The following ZNFX1 variants were observed in gnomAD, a reference collection of about 807,000 sequenced individuals.
ZNFX1 encodes the protein zinc finger NFX1-type containing 1.
In ZNFX1, 78 loss-of-function variants were observed where a neutral mutation model predicts 179.8. The observed-to-expected ratio is 0.43, with a 90% CI of 0.36 to 0.52. The LOEUF is 0.52. Ranked by LOEUF, ZNFX1 falls within the 20% of genes least tolerant of loss-of-function variation. The pLI, the probability that ZNFX1 is intolerant of heterozygous loss-of-function variation, is 0.00. For missense variants in ZNFX1, 1,927 were observed against 2,386.6 expected (o/e 0.81, Z 4.01); for synonymous variants, 848 against 868.5 (o/e 0.98, Z 0.42).
At position 49,251,511 on chromosome 20, in the gene ZNFX1, G is replaced by C; in HGVS notation, c.3312+16C>G. ...TGCTGACACCATCCAAGAAAGATCG[G>C]GTAAGACAGACTCACCTTAATCTTC... is the stretch of plus-strand genomic sequence containing the variant. On this transcript the variant is annotated intron_variant, in intron 13 of 13. Transcript: ENST00000396105. 1.9e-6 allele frequency: 3 copies of C among 1,604,446 alleles called. No individual in the cohort carries two copies. The highest frequency in any genetic ancestry group is 1.7e-6 in the Non-Finnish European group (2 of 1,173,734).
intron 3 of ZNFX1, among the ~76,000 whole-genome samples, chr20:49,266,668 A>ACCCCCCCCC (rs76320074): frequency 1.6e-4 from 10 of 61,016 alleles, no homozygotes; most frequent in South Asian, 7.0e-4. Flanking sequence ...CATCCCCCCC[A>ACCCCCCCCC]CCCCCCCCTT....
chr20:49,276,172 A>C (rs963404206), intron 1 of ZNFX1, among the ~76,000 whole-genome samples: 2 of 152,204 alleles, frequency 1.3e-5, no homozygotes, highest in Admixed American at 1.3e-4. Flanking sequence ...TCCCATTCAA[A>C]ACTGCTGTTT....
rs34540659 is a variant in ZNFX1 at position 49,248,494 on chromosome 20, G to A, written c.4530C>T (p.Cys1510=). 3.7e-4 allele frequency: 591 copies of A among 1,613,424 alleles called. 1 individual carries two copies. Among genetic ancestry groups the A allele is most frequent in the South Asian group, 5.9e-4 (54 of 91,068 alleles). Residue 1510 remains cysteine, a synonymous_variant, in exon 14 of 14, where the codon TGC becomes TGT. Transcript: ENST00000396105. This position sits in a 1 kb window ranked among gnomAD's most constrained non-coding sequence, Gnocchi z 4.6. The part of the protein sequence containing the change: ...KKKCGELCSP[C]VEPCVWRCQH... ...GGCAGCGCCAGACACAGGGTTCCAC[G>A]CAGGGACTACACAGCTCCCCACATT...
intron 11 of ZNFX1, 105 bp from the exon 12 acceptor site, chr20:49,252,935 A>C: frequency 1.2e-6 from 1 of 842,360 alleles, no homozygotes; most frequent in Non-Finnish European, 2.0e-6. Context: ...AGTGTTGACT[A>C]TGTGCCAGGC....
At chr20:49,261,243 C>A (rs1222590382) in intron 6 of ZNFX1, among the ~76,000 whole-genome samples, 1 of 152,060 alleles carries the variant, frequency 6.6e-6, no homozygotes, top group East Asian at 1.9e-4. Flanking sequence ...AAAAAAGAAT[C>A]AAAAGTAATT....
chr20:49,262,605 C>T (rs536431864), intron 6 of ZNFX1, among the ~76,000 whole-genome samples: 5 of 152,228 alleles, frequency 3.3e-5, no homozygotes, highest in Middle Eastern at 3.4e-3. Context: ...GATTGCTTCA[C>T]TTATTTGTAA....
At position 49,270,286 on chromosome 20, in the gene ZNFX1, G is replaced by A. The variant is rs1333319075; in HGVS notation, c.1526C>T (p.Thr509Ile). The change falls in exon 3 of 14, where the codon ACT (threonine) becomes ATT (isoleucine). Residue 509 changes from threonine to isoleucine, a missense_variant. Transcript: ENST00000396105. The surrounding 1 kb of genome is among the most constrained non-coding windows in gnomAD (Gnocchi z 4.6). ...PSDSFLMVET[T>I]AYFEAYRHVL... is the part of the protein sequence containing the mutation. ...GTGCCTGTAGGCCTCAAAGTATGCA[G>A]TTGTCTCTACCATGAGGAAAGAGTC... 6.2e-7 allele frequency: 1 copy of A among 1,614,100 alleles called. No homozygotes were observed. The highest frequency in any genetic ancestry group is 1.7e-5 in the Admixed American group (1 of 60,030).
intron 3 of ZNFX1, among the ~76,000 whole-genome samples, chr20:49,268,428 G>A (rs139894357): frequency 0.022 from 3,306 of 152,180 alleles, 46 homozygotes; most frequent in Non-Finnish European, 0.033. Context: ...AAATCCCTAT[G>A]AGCAGCTACT....
intron 7 of ZNFX1, 82 bp from the exon 8 acceptor site, chr20:49,257,746 G>A: frequency 6.8e-7 from 1 of 1,478,916 alleles, no homozygotes; most frequent in Non-Finnish European, 8.9e-7. Context: ...CTTTTGCCCA[G>A]GGTGGAGTGC....
chr20:49,269,694 G>A (rs1297315979), intron 3 of ZNFX1, among the ~76,000 whole-genome samples: 5 of 152,014 alleles, frequency 3.3e-5, no homozygotes, highest in South Asian at 4.2e-4. Flanking sequence ...AAACAATGAC[G>A]ACAACAAAAA....
At position 49,248,116 on chromosome 20, in the gene ZNFX1, T is replaced by C. The variant is rs1342305532; in HGVS notation, c.4908A>G (p.Ile1636Met). ...IRKNLRYGTS[I>M]KQRLEEIEII... ...TTTCAATCTCTTCTAGCCGCTGTTTTATGCTAGTTCCATACCTCAGGTTTT... is the reference window on the plus strand; with the variant it reads ...TTTCAATCTCTTCTAGCCGCTGTTTCATGCTAGTTCCATACCTCAGGTTTT... The change falls in exon 14 of 14, where the codon ATA (isoleucine) becomes ATG (methionine). Residue 1636 changes from isoleucine (I) to methionine (M), a missense_variant. Ile to Met is a conservative substitution (Grantham distance 10, BLOSUM62 1). Coordinates refer to ENST00000396105, the MANE Select transcript of ZNFX1 (RefSeq NM_021035.3). The surrounding 1 kb of genome is among the most constrained non-coding windows in gnomAD (Gnocchi z 4.6). 6 of 1,614,216 alleles carry C rather than the reference T, an allele frequency of 3.7e-6. No homozygotes were observed. In the Admixed American group the frequency reaches 1.0e-4, roughly 27 times the overall value.
Position 49,249,031 on chromosome 20 carries a change from G to A in ZNFX1, c.3993C>T (p.His1331=). The A allele has an allele frequency of 6.2e-7, 1 of 1,614,236 alleles. No homozygotes were observed. Among genetic ancestry groups the A allele is most frequent in the Non-Finnish European group, 8.5e-7 (1 of 1,180,032 alleles). ...PCQKVICQEG[H]RCPLVCFQEC... ...CCTGGAAGCAAACAAGGGGACACCG[G>A]TGCCCTTCCTGACAGATGACCTTCT... The change falls in exon 14 of 14, where the codon CAC becomes CAT. Residue 1331 remains histidine, a synonymous_variant. Coordinates refer to ENST00000396105, the MANE Select transcript of ZNFX1 (RefSeq NM_021035.3).
At chr20:49,264,594 C>T (rs1981192762) in intron 5 of ZNFX1, 122 bp downstream of exon 5, 2 of 1,240,952 alleles carry the variant, frequency 1.6e-6, no homozygotes, top group African/African-American at 1.5e-5. Flanking sequence ...TGAAAGGAAC[C>T]TGGGTCCTCC....
In ZNFX1 at chr20:49,247,147, G is replaced by T; in HGVS notation, c.*120C>A. ...CTCCCAAAGTGCTGGGATTACAGGC[G>T]TAAGCCACTGCGCCCAGCCTAAAAA... On this transcript the variant is annotated 3_prime_UTR_variant, in exon 14 of 14. Coordinates refer to ENST00000396105, the MANE Select transcript of ZNFX1 (RefSeq NM_021035.3). 1.4e-6 allele frequency: 2 copies of T among 1,387,420 alleles called. No individual in the cohort carries two copies. Among genetic ancestry groups the T allele is most frequent in the Non-Finnish European group, 1.9e-6 (2 of 1,028,576 alleles). 85.9% of individuals were successfully genotyped at this position (1,387,420 alleles called of 1,614,324 possible). A position where few individuals can be genotyped will look rare whatever the true frequency, so the allele number is the denominator to read the frequency against.
At chr20:49,260,725 T>A (rs975351206) in intron 6 of ZNFX1, 148 bp from the exon 7 acceptor site, 12 of 561,402 alleles carry the variant, frequency 2.1e-5, no homozygotes, top group Middle Eastern at 2.9e-4. Context: ...GAAGACTGCC[T>A]GAGCCCAGAA....
In ZNFX1 at chr20:49,248,244, T is replaced by G; in HGVS notation, c.4780A>C (p.Ile1594Leu). ...CGGTCTAGGGCTTGCACCTCAAAGA[T>G]GTGGCTGCAGTCTTCCAGCTGCACA... ...RFVQLEDCSHIFEVQALDRYM... is the reference protein window; with the variant it reads ...RFVQLEDCSHLFEVQALDRYM... Residue 1594 changes from isoleucine to leucine, a missense_variant, in exon 14 of 14, where the codon ATC becomes CTC. Physicochemically the swap from Ile to Leu is conservative, Grantham distance 5. Coordinates refer to ENST00000396105, the MANE Select transcript of ZNFX1 (RefSeq NM_021035.3). The surrounding 1 kb of genome is among the most constrained non-coding windows in gnomAD (Gnocchi z 4.6). 6.2e-7 allele frequency: 1 copy of G among 1,614,134 alleles called. No individual in the cohort carries two copies. Among genetic ancestry groups the G allele is most frequent in the Non-Finnish European group, 8.5e-7 (1 of 1,180,038 alleles).
At chr20:49,251,819 A>G (rs1258023061) in intron 12 of ZNFX1, among the ~76,000 whole-genome samples, 197 bp from the exon 13 acceptor site, 1 of 149,680 alleles carries the variant, frequency 6.7e-6, no homozygotes, top group East Asian at 2.0e-4. Context: ...CAACATAGTG[A>G]GCCCTCATCT....
At chr20:49,253,580 A>G in intron 11 of ZNFX1, 86 bp downstream of exon 11, 1 of 1,520,366 alleles carries the variant, frequency 6.6e-7, no homozygotes, top group Non-Finnish European at 9.0e-7. Context: ...AAGCTTGAGG[A>G]CTGTTGAAGC....
In ZNFX1 at chr20:49,263,387, G is replaced by GC; in HGVS notation, c.2247dup (p.Gln750AlafsTer20). On this transcript the variant is annotated frameshift_variant, in exon 6 of 14. Transcript: ENST00000396105. LOFTEE classifies it high-confidence loss of function. ...CAGTGCTGGGGTGAGATGTACTTCT[G>GC]CAGGTACTGTTCCCGTAGGACACCA... The GC allele has an allele frequency of 1.2e-6, 2 of 1,614,038 alleles. No homozygotes were observed.
Sources: allele counts gnomAD v4.1 joint callset (sites outside exome capture counted in the v4.1 genomes callset), GRCh38; gene constraint gnomAD v4.1.1; non-coding constraint Gnocchi (gnomAD v3.1); transcripts MANE v1.5; gene names NCBI Gene and HGNC (gene_info 2026-07-23, HGNC 2026-07-21).